The following IPO9 variants were observed in gnomAD, a reference collection of about 807,000 sequenced individuals.
IPO9 encodes the protein importin-9.
A neutral mutation model predicts 128.6 loss-of-function variants in IPO9; 28 were observed. The observed-to-expected ratio is 0.22, with a 90% CI of 0.16 to 0.30. The LOEUF (loss-of-function observed/expected upper bound fraction) is 0.30, where lower values mean the gene tolerates loss of function less well. Among genes scored for constraint, IPO9 ranks in the 10% least tolerant of loss-of-function variants. The pLI is 1.00. For synonymous variants in IPO9, 455 were observed against 475.8 expected, an observed-to-expected ratio of 0.96 and a Z score of 0.57; for missense variants, 935 against 1,293.9, an observed-to-expected ratio of 0.72 and a Z score of 4.26.
At chr1:201,862,849 A>G (rs1680474711) in intron 13 of IPO9, among the ~76,000 whole-genome samples, 2 of 152,204 alleles carry the variant, frequency 1.3e-5, no homozygotes, top group South Asian at 4.2e-4. Flanking sequence ...CAGGTAAGGA[A>G]TAATGAGAGC....
chr1:201,873,462 A>AG (rs919861590), intron 20 of IPO9, among the ~76,000 whole-genome samples: 15 of 151,002 alleles, frequency 9.9e-5, no homozygotes, highest in African/African-American at 3.4e-4. Flanking sequence ...AAAAAAAAAA[A>AG]AAAATGCAGG....
intron 15 of IPO9, 33 bp downstream of exon 15, chr1:201,866,992 C>A: frequency 6.5e-7 from 1 of 1,538,372 alleles, no homozygotes; most frequent in Non-Finnish European, 9.0e-7. Context: ...TTATGAGGGG[C>A]ACCAAAGAAA....
intron 1 of IPO9, among the ~76,000 whole-genome samples, chr1:201,841,088 G>A (rs1680027346): frequency 6.6e-6 from 1 of 151,976 alleles, no homozygotes; most frequent in East Asian, 1.9e-4. Context: ...CAATAGGGAG[G>A]CACTAAAAAT....
At chr1:201,853,770 C>T (rs1440243011) in intron 6 of IPO9, among the ~76,000 whole-genome samples, 1 of 152,042 alleles carries the variant, frequency 6.6e-6, no homozygotes, top group Non-Finnish European at 1.5e-5. Flanking sequence ...GATGGAGTCT[C>T]GCTCTGTCAC....
chr1:201,852,901 A>T (rs1312119747), intron 5 of IPO9, 110 bp from the exon 6 acceptor site: 1 of 822,086 alleles, frequency 1.2e-6, no homozygotes, highest in Non-Finnish European at 2.1e-6. Context: ...AGGGCATCCA[A>T]TCTCATGTGA....
rs1282125282 is a variant in IPO9 at position 201,851,285 on chromosome 1, G to A, written c.515-819G>A. On this transcript the variant is annotated intron_variant, in intron 4 of 23. Transcript: ENST00000361565. ...TCCTGCCTCAACCTCCCAAAGCTCT[G>A]GGATTACAGGTATAAGCCACTGTTC... Among the ~76,000 whole-genome samples, 4 of 151,300 alleles carry A rather than the reference G, an allele frequency of 2.6e-5. No homozygotes were observed. The Admixed American group carries it at 2.6e-4, about 10-fold the overall frequency.
intron 19 of IPO9, 105 bp from the exon 20 acceptor site, chr1:201,872,723 A>T: frequency 1.5e-6 from 2 of 1,318,608 alleles, no homozygotes; most frequent in Non-Finnish European, 2.1e-6. Flanking sequence ...TTGTTAACGG[A>T]ATTTTCACTA....
rs1269193900 is a variant in IPO9 at position 201,876,258 on chromosome 1, C to T, written c.*204C>T. ...GAATGCTGGAACAAAGGACATTTCT[C>T]AAAGTTCCCCTGAAGACATGCCATC... On this transcript the variant is annotated 3_prime_UTR_variant, in exon 24 of 24. Coordinates refer to ENST00000361565, the MANE Select transcript of IPO9 (RefSeq NM_018085.5). The T allele has an allele frequency of 1.4e-6, 1 of 692,076 alleles. No homozygotes were observed. 42.9% of individuals were successfully genotyped at this position (692,076 alleles called of 1,614,324 possible).
intron 1 of IPO9, among the ~76,000 whole-genome samples, chr1:201,830,412 CTTAAAT>C (rs1679812461): frequency 6.6e-6 from 1 of 152,222 alleles, no homozygotes; most frequent in Non-Finnish European, 1.5e-5. Flanking sequence ...ACAAATCTCT[CTTAAAT>C]TTAGTTTACA....
Position 201,876,093 on chromosome 1 carries a change from C to T in IPO9, c.*39C>T, listed in dbSNP as rs773905899. ...TCTACATTTGCTCCTTCTGGGCCAG[C>T]CGCAAACCATTTTGCAGCCCTCACT... On this transcript the variant is annotated 3_prime_UTR_variant, in exon 24 of 24. Coordinates refer to ENST00000361565, the MANE Select transcript of IPO9 (RefSeq NM_018085.5). 1 of 1,367,406 alleles carries T rather than the reference C, an allele frequency of 7.3e-7. No homozygotes were observed. The highest frequency in any genetic ancestry group is 1.7e-5 in the Admixed American group (1 of 59,728). The allele number at this position is 1,367,406 out of a possible 1,614,324, so 84.7% of individuals were successfully genotyped here.
chr1:201,854,833 C>T lies in IPO9; in HGVS notation c.821C>T (p.Ala274Val). 1 of 1,608,058 alleles carries T rather than the reference C, an allele frequency of 6.2e-7. No homozygotes were observed. The highest frequency in any genetic ancestry group is 8.5e-7 in the Non-Finnish European group (1 of 1,178,022). ...CTCTTAACTTCTTAGGCAGTGACAG[C>T]CCTAGTGAAAAACTTCCCAAAGCAC... ...FKMEVLKAVT[A>V]LVKNFPKHMV... The change falls in exon 8 of 24, where the codon GCC (alanine) becomes GTC (valine). Residue 274 changes from alanine to valine, a missense_variant. By Grantham distance (64) the Ala-to-Val change is moderately conservative. Around this residue, in one of 3 missense-constraint regions of IPO9, gnomAD observed 741 missense variants for 1,019.1 expected, o/e 0.73. Transcript: ENST00000361565.
chr1:201,834,438 TC>T (rs1679889927), intron 1 of IPO9, among the ~76,000 whole-genome samples: 1 of 152,172 alleles, frequency 6.6e-6, no homozygotes, highest in Non-Finnish European at 1.5e-5. Flanking sequence ...AGAATTACCA[TC>T]TTTTGAGAAT....
Position 201,872,908 on chromosome 1 carries a change from A to T in IPO9, c.2657A>T (p.Glu886Val). The change falls in exon 20 of 24, where the codon GAG becomes GTG. Residue 886 changes from glutamate to valine, a missense_variant. By Grantham distance (121) the Glu-to-Val change is moderately radical. Transcript: ENST00000361565. ...CTACAGGATATCCGTGTGAAGGGAG[A>T]GGAGATCTACAGCATGGATGAGGGC... ...KRLQDIRVKGEEIYSMDEGIR... is the reference protein window; with the variant it reads ...KRLQDIRVKGVEIYSMDEGIR... 6 of 1,613,932 alleles carry T rather than the reference A, an allele frequency of 3.7e-6. No homozygotes were observed. In the South Asian group the frequency reaches 6.6e-5, roughly 18 times the overall value.
rs190405665 is a variant in IPO9 at position 201,881,046 on chromosome 1, G to A, written c.*4992G>A. 3.3e-5 allele frequency: 5 copies of A among 152,286 alleles called. No individual in the cohort carries two copies. The East Asian group carries it at 7.7e-4, about 23-fold the overall frequency. 9.4% of individuals were successfully genotyped at this position (152,286 alleles called of 1,614,324 possible). ...ATGTAGCCCCATTATAAGCTGAAAA[G>A]CATCTGTAGTATAATAAATGTGGGG... On this transcript the variant is annotated 3_prime_UTR_variant, in exon 24 of 24. Coordinates refer to ENST00000361565, the MANE Select transcript of IPO9 (RefSeq NM_018085.5).
rs1043204666 is a variant in IPO9, at chr1:201,870,500, G to A, written c.2134-83G>A. On this transcript the variant is annotated intron_variant, in intron 17 of 23. Transcript: ENST00000361565. The surrounding 1 kb of genome is among the most constrained non-coding windows in gnomAD (Gnocchi z 4.9). ...CGCTTTTATGAGGCATAGGCCTCTG[G>A]GAACATTTGTTTATACAGACTGAGG... 1 of 1,481,784 alleles carries A rather than the reference G, an allele frequency of 6.7e-7. No individual in the cohort carries two copies. The highest frequency in any genetic ancestry group is 9.1e-7 in the Non-Finnish European group (1 of 1,100,306). The allele number at this position is 1,481,784 out of a possible 1,614,324, so 91.8% of individuals were successfully genotyped here.
At chr1:201,832,898 G>A (rs1571535591) in intron 1 of IPO9, among the ~76,000 whole-genome samples, 1 of 152,212 alleles carries the variant, frequency 6.6e-6, no homozygotes, top group South Asian at 2.1e-4. Context: ...AAGGACACAG[G>A]TCAATTGTCA....
chr1:201,867,337 A>C (rs1030225882), intron 15 of IPO9, among the ~76,000 whole-genome samples: 2 of 152,182 alleles, frequency 1.3e-5, no homozygotes, highest in Admixed American at 1.3e-4. Context: ...AAAGAAAGAT[A>C]TATGGAAAAG....
intron 14 of IPO9, among the ~76,000 whole-genome samples, chr1:201,866,401 T>C (rs942090009): frequency 6.6e-6 from 1 of 151,160 alleles, no homozygotes; most frequent in African/African-American, 2.4e-5. Flanking sequence ...GAGGGAACTT[T>C]AAATCCTACA....
At chr1:201,855,042 T>C (rs1336183312) in intron 8 of IPO9, 82 bp from the exon 9 acceptor site, 12 of 1,297,474 alleles carry the variant, frequency 9.2e-6, no homozygotes, top group Non-Finnish European at 9.8e-6. Context: ...GTGTCTACTT[T>C]TAGTGTTGGA....
Sources: gnomAD v4.1 joint callset for allele counts (sites outside exome capture counted in the v4.1 genomes callset) on GRCh38, gnomAD v4.1.1 for gene constraint, gnomAD v4.1.1 regional missense constraint, Gnocchi (gnomAD v3.1) non-coding constraint, MANE v1.5 for transcripts, NCBI Gene and HGNC (gene_info 2026-07-23, HGNC 2026-07-21) for gene names.